ANGPT1: variants seen among roughly 807,000 people sequenced by gnomAD.
ANGPT1 encodes angiopoietin-1.
In ANGPT1, 17 loss-of-function variants were observed where a neutral mutation model predicts 62.2. The ratio of observed to expected loss-of-function variants is 0.27; its 90% CI spans 0.19 to 0.41. The LOEUF (loss-of-function observed/expected upper bound fraction) is 0.41, where lower values mean the gene tolerates loss of function less well. ANGPT1 is among the 10% of genes least tolerant of loss of function. The probability of loss-of-function intolerance (pLI) is 1.00; values close to 1 mark genes in which losing one functional copy is unlikely to be tolerated. For missense variants in ANGPT1, 478 were observed against 594.9 expected, an observed-to-expected ratio of 0.80 and a Z score of 2.04; for synonymous variants, 199 against 198.9, an observed-to-expected ratio of 1.00 and a Z score of 0.00.
chr8:107,416,516 C>T (rs185622326), intron 1 of ANGPT1, among the ~76,000 whole-genome samples: 279 of 152,244 alleles, frequency 1.8e-3, no homozygotes, highest in Middle Eastern at 0.017. Context: ...TGTAGGCTTC[C>T]CTGAGTTCAG....
At chr8:107,380,328 G>A (rs1370947824) in intron 1 of ANGPT1, among the ~76,000 whole-genome samples, 2 of 151,112 alleles carry the variant, frequency 1.3e-5, no homozygotes, top group African/African-American at 4.9e-5. Context: ...GACATCGAAT[G>A]TTTATTGAGC....
At chr8:107,307,635 TTCC>T (rs1344091933) in intron 4 of ANGPT1, among the ~76,000 whole-genome samples, 2 of 152,110 alleles carry the variant, frequency 1.3e-5, no homozygotes, top group East Asian at 3.9e-4. Flanking sequence ...TTTTTTCTCT[TTCC>T]TCTTTTATCG....
intron 6 of ANGPT1, among the ~76,000 whole-genome samples, chr8:107,288,515 C>T (rs1039355126): frequency 1.3e-5 from 2 of 151,958 alleles, no homozygotes; most frequent in African/African-American, 4.8e-5. Flanking sequence ...TAAAAAAATA[C>T]AGATGGTTAG....
At chr8:107,314,114 A>G (rs1814952274) in intron 4 of ANGPT1, among the ~76,000 whole-genome samples, 1 of 152,196 alleles carries the variant, frequency 6.6e-6, no homozygotes, top group South Asian at 2.1e-4. Context: ...GAGACCAGGA[A>G]ATGACTTAAT....
At position 107,303,320 on chromosome 8, in the gene ANGPT1, A is replaced by C; in HGVS notation, c.856T>G (p.Cys286Gly). ...KREEEKPFRD[C>G]ADVYQAGFNK... ...AAACCAGCTTGATATACATCTGCAC[A>C]GTCTCTAAATGGTTTCTCTTCCTCT... Residue 286 changes from cysteine (C) to glycine (G), a missense_variant, in exon 5 of 9, where the codon TGT becomes GGT. Around this residue, in one of 4 missense-constraint regions of ANGPT1, gnomAD observed 343 missense variants for 355.4 expected, o/e 0.97. Coordinates refer to ENST00000517746, the MANE Select transcript of ANGPT1 (RefSeq NM_001146.5). 1 of 1,604,892 alleles carries C rather than the reference A, an allele frequency of 6.2e-7. No homozygotes were observed. Among genetic ancestry groups the C allele is most frequent in the Non-Finnish European group, 8.5e-7 (1 of 1,173,748 alleles).
chr8:107,454,355 T>C (rs1185062803), intron 1 of ANGPT1, among the ~76,000 whole-genome samples: 1 of 152,128 alleles, frequency 6.6e-6, no homozygotes, highest in Non-Finnish European at 1.5e-5. Context: ...CATGCTGCTA[T>C]TGGACAAGAC....
At chr8:107,444,128 A>G (rs2130438107) in intron 1 of ANGPT1, among the ~76,000 whole-genome samples, 1 of 152,302 alleles carries the variant, frequency 6.6e-6, no homozygotes, top group South Asian at 2.1e-4. Context: ...ATGTGGATGT[A>G]TCATTCCTGA....
At chr8:107,397,381 AC>A (rs369455591) in intron 1 of ANGPT1, among the ~76,000 whole-genome samples, 1 of 152,262 alleles carries the variant, frequency 6.6e-6, no homozygotes, top group East Asian at 1.9e-4. Flanking sequence ...TTTGACTCAT[AC>A]AAATATTTCC....
chr8:107,314,557 A>C (rs1814969140), intron 4 of ANGPT1, among the ~76,000 whole-genome samples: 1 of 152,222 alleles, frequency 6.6e-6, no homozygotes, highest in Admixed American at 6.5e-5. Flanking sequence ...TTCCAAAAAT[A>C]AACAGTCAAT....
intron 8 of ANGPT1, among the ~76,000 whole-genome samples, chr8:107,263,128 C>T (rs772467328): frequency 2.0e-5 from 3 of 151,818 alleles, no homozygotes; most frequent in South Asian, 2.1e-4. Flanking sequence ...GCAAGGTGGG[C>T]GGATCACTTG....
intron 1 of ANGPT1, among the ~76,000 whole-genome samples, chr8:107,364,203 G>T (rs1816225905): frequency 6.6e-6 from 1 of 152,060 alleles, no homozygotes; most frequent in Admixed American, 6.6e-5. Context: ...GCATCCACAA[G>T]GATGTTTTTA....
At chr8:107,292,191 T>C (rs1025008876) in intron 6 of ANGPT1, among the ~76,000 whole-genome samples, 11 of 152,186 alleles carry the variant, frequency 7.2e-5, no homozygotes, top group African/African-American at 2.4e-4. Flanking sequence ...CTAAAATAGC[T>C]ATCAGGTTTA....
intron 4 of ANGPT1, among the ~76,000 whole-genome samples, chr8:107,316,939 A>G (rs921761161): frequency 1.3e-5 from 2 of 152,200 alleles, no homozygotes; most frequent in African/African-American, 4.8e-5. Context: ...AGGTTATAAA[A>G]TTATGCTAGA....
intron 1 of ANGPT1, among the ~76,000 whole-genome samples, chr8:107,364,168 T>A (rs760962229): frequency 2.2e-4 from 33 of 152,212 alleles, no homozygotes; most frequent in Non-Finnish European, 3.7e-4. Context: ...ACTTACTCTT[T>A]TGGAATTTTT....
At chr8:107,482,033 C>T (rs191674510) in intron 1 of ANGPT1, among the ~76,000 whole-genome samples, 2 of 152,252 alleles carry the variant, frequency 1.3e-5, no homozygotes, top group African/African-American at 4.8e-5. Context: ...ATTAAATTCC[C>T]GGACCTTCAG....
intron 1 of ANGPT1, among the ~76,000 whole-genome samples, chr8:107,413,146 A>G (rs959897008): frequency 6.6e-6 from 1 of 152,212 alleles, no homozygotes; most frequent in Non-Finnish European, 1.5e-5. Context: ...TGTCAGGCAT[A>G]TGACTATTCA....
chr8:107,489,623 G>C (rs758955566), intron 1 of ANGPT1, among the ~76,000 whole-genome samples: 12 of 152,172 alleles, frequency 7.9e-5, no homozygotes, highest in Admixed American at 3.3e-4. Context: ...TTTCGAATTA[G>C]ATAACAGTAT....
intron 1 of ANGPT1, among the ~76,000 whole-genome samples, chr8:107,386,221 A>G (rs1222249037): frequency 1.3e-5 from 2 of 152,076 alleles, no homozygotes; most frequent in African/African-American, 4.8e-5. Flanking sequence ...GAAGGGAACA[A>G]TAGACAAGAG....
At chr8:107,279,505 G>A (rs991755018) in intron 7 of ANGPT1, among the ~76,000 whole-genome samples, 5 of 152,116 alleles carry the variant, frequency 3.3e-5, no homozygotes, top group African/African-American at 1.2e-4. Flanking sequence ...ATGGTGGGTA[G>A]TTATAAGACC....
Sources: allele counts gnomAD v4.1 joint callset (sites outside exome capture counted in the v4.1 genomes callset), GRCh38; gene constraint gnomAD v4.1.1; regional missense constraint gnomAD v4.1.1; transcripts MANE v1.5; gene names NCBI Gene and HGNC (gene_info 2026-07-23, HGNC 2026-07-21).